The following SLF2 variants were observed in gnomAD, a reference collection of about 807,000 sequenced individuals.
The protein encoded by SLF2 is SMC5-SMC6 complex localization factor protein 2.
Under a neutral mutation model 124.3 loss-of-function variants are expected in SLF2, and 68 were observed. That is an observed-to-expected ratio of 0.55 (90% CI 0.45 to 0.67). SLF2 has a LOEUF of 0.67. SLF2 is among the 30% of genes least tolerant of loss of function. The pLI is 0.00. For synonymous variants in SLF2, 480 were observed against 478.8 expected, an observed-to-expected ratio of 1.00 and a Z score of -0.03; for missense variants, 1,246 against 1,373.7, an observed-to-expected ratio of 0.91 and a Z score of 1.47.
intron 6 of SLF2, among the ~76,000 whole-genome samples, chr10:100,927,793 A>G (rs1007360481): frequency 6.6e-6 from 1 of 152,084 alleles, no homozygotes; most frequent in African/African-American, 2.4e-5. Flanking sequence ...TAGCCATCCT[A>G]ACAGTAAAGT....
At chr10:100,928,570 T>A (rs1365835029) in intron 6 of SLF2, among the ~76,000 whole-genome samples, 1 of 152,176 alleles carries the variant, frequency 6.6e-6, no homozygotes, top group Admixed American at 6.5e-5. Context: ...GCTGTACTTA[T>A]CCACTGTTTG....
chr10:100,957,200 G>A (rs1255793288), intron 18 of SLF2, among the ~76,000 whole-genome samples: 3 of 152,012 alleles, frequency 2.0e-5, no homozygotes, highest in Admixed American at 6.6e-5. Flanking sequence ...AAATAAATAC[G>A]TAAGTTATGA....
At chr10:100,932,264 A>G (rs1057348103) in intron 9 of SLF2, among the ~76,000 whole-genome samples, 2 of 152,184 alleles carry the variant, frequency 1.3e-5, no homozygotes, top group Non-Finnish European at 2.9e-5. Context: ...GTTTAAAAAA[A>G]AAAAAATTAT....
chr10:100,949,234 T>C (rs928532180), intron 15 of SLF2, among the ~76,000 whole-genome samples: 8 of 152,234 alleles, frequency 5.3e-5, no homozygotes, highest in African/African-American at 1.9e-4. Flanking sequence ...ATTCCTTTCA[T>C]TGATATTTAC....
At chr10:100,943,957 C>A in intron 11 of SLF2, 69 bp from the exon 12 acceptor site, 2 of 955,690 alleles carry the variant, frequency 2.1e-6, no homozygotes, top group Non-Finnish European at 3.1e-6. Flanking sequence ...AAAAAGTAGC[C>A]CAGAATTTCT....
At chr10:100,918,491 TG>T (rs1849463939) in intron 4 of SLF2, 50 bp downstream of exon 4, 2 of 1,197,136 alleles carry the variant, frequency 1.7e-6, no homozygotes, top group African/African-American at 3.1e-5. Context: ...TCCATTTTAA[TG>T]GCACTGCTTT....
intron 18 of SLF2, among the ~76,000 whole-genome samples, chr10:100,959,016 C>G (rs554984555): frequency 2.0e-5 from 3 of 152,152 alleles, no homozygotes; most frequent in Admixed American, 2.0e-4. Context: ...TGGCTTTGAT[C>G]CTTTCAAAGG....
At chr10:100,935,924 T>A (rs1440197215) in intron 9 of SLF2, among the ~76,000 whole-genome samples, 1 of 142,872 alleles carries the variant, frequency 7.0e-6, no homozygotes, top group African/African-American at 2.6e-5. Flanking sequence ...AGTGGTGCGA[T>A]CACTGCTCAC....
intron 18 of SLF2, 119 bp from the exon 19 acceptor site, chr10:100,959,309 C>A: frequency 3.8e-6 from 3 of 797,258 alleles, no homozygotes; most frequent in African/African-American, 1.8e-5. Context: ...TGACAGAAAT[C>A]AAATTGAGTT....
At chr10:100,943,091 T>C (rs923787999) in intron 11 of SLF2, among the ~76,000 whole-genome samples, 7 of 152,234 alleles carry the variant, frequency 4.6e-5, no homozygotes, top group African/African-American at 1.7e-4. Flanking sequence ...AGTCACATGA[T>C]TGATAACTCT....
intron 6 of SLF2, among the ~76,000 whole-genome samples, chr10:100,928,031 A>AACCCC (rs1849645631): frequency 3.3e-5 from 1 of 30,520 alleles, no homozygotes. Context: ...TATGATGAAC[A>AACCCC]CCCCCCCCCC....
At chr10:100,930,940 G>T (rs1323220550) in intron 8 of SLF2, 36 bp from the exon 9 acceptor site, 7 of 1,529,544 alleles carry the variant, frequency 4.6e-6, no homozygotes, top group African/African-American at 1.4e-5. Flanking sequence ...TTGCCATGAA[G>T]TTAATAGCCA....
intron 9 of SLF2, among the ~76,000 whole-genome samples, chr10:100,932,694 T>A (rs1434769594): frequency 3.3e-5 from 2 of 59,964 alleles, no homozygotes; most frequent in Admixed American, 1.4e-4. Context: ...AAACAATAAG[T>A]GTGTGTGTGT....
At position 100,962,028 on chromosome 10, in the gene SLF2, G is replaced by T; in HGVS notation, c.*116G>T. ...AATGCCAAGAAAATGTACAGCAAAT[G>T]TGCCACTTGAATATCTAGTATGAAG... On this transcript the variant is annotated 3_prime_UTR_variant, in exon 20 of 20. Coordinates refer to ENST00000238961, the MANE Select transcript of SLF2 (RefSeq NM_018121.4). The T allele has an allele frequency of 2.1e-6, 2 of 941,696 alleles. No individual in the cohort carries two copies. Among genetic ancestry groups the T allele is most frequent in the Non-Finnish European group, 1.6e-6 (1 of 630,322 alleles). The allele number at this position is 941,696 out of a possible 1,614,324, so 58.3% of individuals were successfully genotyped here.
chr10:100,964,364 TGTAA>T lies in SLF2; in HGVS notation c.*2455_*2458del, dbSNP rs796358701. The T allele has an allele frequency of 5.2e-5, 8 of 152,786 alleles. No homozygotes were observed. Among genetic ancestry groups the T allele is most frequent in the African/African-American group, 7.2e-5 (3 of 41,572 alleles). The allele number at this position is 152,786 out of a possible 1,614,324, so 9.5% of individuals were successfully genotyped here. A position where few individuals can be genotyped will look rare whatever the true frequency, so the allele number is the denominator to read the frequency against. On this transcript the variant is annotated 3_prime_UTR_variant, in exon 20 of 20. Transcript: ENST00000238961. ...CTTGCAAGCTGCACATTAAGGTACT[TGTAA>T]GTGTTTATGCTTTTGTGTGTAACTG...
Position 100,913,140 on chromosome 10 carries a change from A to C in SLF2, c.30A>C (p.Pro10=). 4.3e-6 allele frequency: 7 copies of C among 1,612,390 alleles called. No individual in the cohort carries two copies. Among genetic ancestry groups the C allele is most frequent in the Non-Finnish European group, 5.9e-6 (7 of 1,179,386 alleles). The change falls in exon 1 of 20, where the codon CCA becomes CCC. Residue 10 remains proline, a synonymous_variant. Transcript: ENST00000238961. MTRRCMPAR[P]GFPSSPAPGS... ...CAAGGCGCTGCATGCCCGCTAGGCC[A>C]GGTTTCCCCTCATCCCCAGCCCCGG... is the stretch of plus-strand genomic sequence containing the variant.
At chr10:100,913,526 T>A (rs565639901) in intron 1 of SLF2, 2 of 1,251,004 alleles carry the variant, frequency 1.6e-6, no homozygotes, top group East Asian at 3.2e-5. Flanking sequence ...ATTTTTTTCC[T>A]TTGCAAGAGT....
chr10:100,917,994 G>A (rs1849452120), intron 3 of SLF2, among the ~76,000 whole-genome samples: 1 of 152,198 alleles, frequency 6.6e-6, no homozygotes, highest in African/African-American at 2.4e-5. Flanking sequence ...GGCTAAGGTG[G>A]GAGGCTCGCT....
rs1051692765 is a variant in SLF2, at chr10:100,924,572, A to G, written c.1571A>G (p.His524Arg). The change falls in exon 5 of 20, where the codon CAC becomes CGC. Residue 524 changes from histidine to arginine, a missense_variant. Coordinates refer to ENST00000238961, the MANE Select transcript of SLF2 (RefSeq NM_018121.4). The stretch of plus-strand genomic sequence containing the variant: ...ACAGAATCCACCAAACACAAGGAAC[A>G]CAAAGCAAAGACTAATAAGGCCGAT... ...HSTESTKHKE[H>R]KAKTNKADSN... The G allele has an allele frequency of 6.2e-7, 1 of 1,614,048 alleles. No individual in the cohort carries two copies. The highest frequency in any genetic ancestry group is 1.3e-5 in the African/African-American group (1 of 74,942).
Sources: gnomAD v4.1 joint callset for allele counts (sites outside exome capture counted in the v4.1 genomes callset) on GRCh38, gnomAD v4.1.1 for gene constraint, MANE v1.5 for transcripts, NCBI Gene and HGNC (gene_info 2026-07-23, HGNC 2026-07-21) for gene names.